TSBP1: variants seen among roughly 807,000 people sequenced by gnomAD.
TSBP1 encodes the protein testis-expressed basic protein 1.
Under a neutral mutation model 68.8 loss-of-function variants are expected in TSBP1, and 56 were observed. That is an observed-to-expected ratio of 0.81 (90% CI 0.66 to 1.02). The LOEUF (loss-of-function observed/expected upper bound fraction) is 1.02, where lower values mean the gene tolerates loss of function less well. Among genes scored for constraint, TSBP1 ranks in the 50% least tolerant of loss-of-function variants. The pLI is 0.00. For missense variants in TSBP1, 502 were observed against 641.2 expected (o/e 0.78, Z 2.34); for synonymous variants, 171 against 208.7 (o/e 0.82, Z 1.56).
rs1768717601 is a variant in TSBP1, at chr6:32,329,848, G to T, written c.514+741C>A. 2.6e-5 allele frequency among the ~76,000 whole-genome samples: 4 copies of T among 152,208 alleles called. No individual in the cohort carries two copies. The South Asian group carries it at 8.3e-4, about 32-fold the overall frequency. On this transcript the variant is annotated intron_variant, in intron 16 of 22. Coordinates refer to ENST00000612031, the Ensembl canonical transcript of TSBP1. Reference sequence around the variant, plus strand: ...AGATTCAGAATTTCCCGTGTCCTGGGGTTGGTTCGATGCCCTAGATTTTAA... The same window carrying T: ...AGATTCAGAATTTCCCGTGTCCTGGTGTTGGTTCGATGCCCTAGATTTTAA...
intron 9 of TSBP1, among the ~76,000 whole-genome samples, chr6:32,342,630 A>G (rs1000329283): frequency 2.0e-5 from 3 of 152,236 alleles, no homozygotes; most frequent in African/African-American, 7.2e-5. Flanking sequence ...CTTAACTGCT[A>G]GGCAATACTC....
At position 32,333,924 on chromosome 6, in the gene TSBP1, C is replaced by A; in HGVS notation, c.472+1513G>T. On this transcript the variant is annotated intron_variant, in intron 14 of 22. Transcript: ENST00000612031. This position sits in a 1 kb window ranked among gnomAD's most constrained non-coding sequence, Gnocchi z 4.2. ...AGATGGCTTTCCAGATCTGGATACC[C>A]TTGGCTATGAGCAGTAAACCAGTTA... 4.9e-6 allele frequency: 1 copy of A among 204,740 alleles called. No individual in the cohort carries two copies. Among genetic ancestry groups the A allele is most frequent in the South Asian group, 5.6e-5 (1 of 17,746 alleles). The allele number at this position is 204,740 out of a possible 1,614,324, so 12.7% of individuals were successfully genotyped here.
rs1375906426 is a variant in TSBP1, at chr6:32,365,716, G to A, written c.217+451C>T. The stretch of plus-strand genomic sequence containing the variant: ...CTCAGCATTGAGTTGTGCCACCTTG[G>A]GGGAGGAGTGATGTGGGTAAAGTGA... On this transcript the variant is annotated intron_variant, in intron 6 of 22. Coordinates refer to ENST00000612031, the Ensembl canonical transcript of TSBP1. The surrounding 1 kb of genome is among the most constrained non-coding windows in gnomAD (Gnocchi z 4.3). 1 of 428,524 alleles carries A rather than the reference G, an allele frequency of 2.3e-6. No individual in the cohort carries two copies. Among genetic ancestry groups the A allele is most frequent in the Non-Finnish European group, 4.7e-6 (1 of 213,204 alleles). The allele number at this position is 428,524 out of a possible 1,614,324, so 26.5% of individuals were successfully genotyped here.
At chr6:32,359,086 A>G (rs1190429625) in intron 6 of TSBP1, among the ~76,000 whole-genome samples, 1 of 115,674 alleles carries the variant, frequency 8.6e-6, no homozygotes, top group Non-Finnish European at 1.7e-5. Flanking sequence ...ACCCCACAGC[A>G]GTCCCCAGAG....
intron 19 of TSBP1, among the ~76,000 whole-genome samples, chr6:32,307,877 G>T: frequency 6.6e-6 from 1 of 151,688 alleles, no homozygotes; most frequent in Non-Finnish European, 1.5e-5. Context: ...CTAGGTTCAA[G>T]TGACTCTCCA....
chr6:32,331,037 C>A (rs3129949), intron 15 of TSBP1, among the ~76,000 whole-genome samples: 34,458 of 152,056 alleles, frequency 0.23, 4,247 homozygotes, highest in African/African-American at 0.29. Flanking sequence ...TACTAAATCT[C>A]AGTATTCAGG....
chr6:32,313,265 C>G (rs34838815), intron 19 of TSBP1, among the ~76,000 whole-genome samples: 30,867 of 146,886 alleles, frequency 0.21, 3,263 homozygotes, highest in East Asian at 0.22. Flanking sequence ...CTGACATTTA[C>G]TGTATGTTTA....
intron 19 of TSBP1, among the ~76,000 whole-genome samples, chr6:32,308,634 T>A (rs921313003): frequency 2.6e-5 from 4 of 151,596 alleles, no homozygotes; most frequent in African/African-American, 9.7e-5. Flanking sequence ...TTTTATTTGC[T>A]TTCTCTTTTT....
chr6:32,345,025 T>C (rs889544312), intron 9 of TSBP1, among the ~76,000 whole-genome samples: 1 of 152,042 alleles, frequency 6.6e-6, no homozygotes, highest in Admixed American at 6.5e-5. Flanking sequence ...TACTAATTCT[T>C]TTAATTGTTC....
chr6:32,363,684 CA>C (rs1773323174), intron 6 of TSBP1, among the ~76,000 whole-genome samples: 1 of 110,256 alleles, frequency 9.1e-6, no homozygotes, highest in Non-Finnish European at 2.1e-5. Flanking sequence ...TCAAAATTTA[CA>C]TTTAAAAAAA....
intron 2 of TSBP1, among the ~76,000 whole-genome samples, 193 bp from the exon 3 acceptor site, chr6:32,369,007 T>C (rs1320784304): frequency 1.3e-5 from 2 of 152,124 alleles, no homozygotes; most frequent in Non-Finnish European, 2.9e-5. Context: ...ACACTACTTA[T>C]GCTTTGAGGG....
chr6:32,361,083 A>G lies in TSBP1; in HGVS notation c.217+5084T>C, dbSNP rs1348772661. 4.6e-5 allele frequency among the ~76,000 whole-genome samples: 7 copies of G among 151,958 alleles called. No homozygotes were observed. The highest frequency in any genetic ancestry group is 1.2e-4 in the African/African-American group (5 of 41,350). On this transcript the variant is annotated intron_variant, in intron 6 of 22. Coordinates refer to ENST00000612031, the Ensembl canonical transcript of TSBP1. The surrounding 1 kb of genome is among the most constrained non-coding windows in gnomAD (Gnocchi z 4.3). ...TGTGATGTTCCCCACCCTGTGTCCAAGTGTTCTCATTGTTCAGTTCCCACC... is the reference window on the plus strand; with the variant it reads ...TGTGATGTTCCCCACCCTGTGTCCAGGTGTTCTCATTGTTCAGTTCCCACC...
At chr6:32,349,416 T>G in intron 9 of TSBP1, 1 of 219,924 alleles carries the variant, frequency 4.5e-6, no homozygotes, top group Non-Finnish European at 8.8e-6. Flanking sequence ...CTAATATCAT[T>G]TATCCCTCAT....
chr6:32,313,342 C>A (rs1017666834), intron 19 of TSBP1, among the ~76,000 whole-genome samples: 1 of 152,236 alleles, frequency 6.6e-6, no homozygotes, highest in African/African-American at 2.4e-5. Context: ...TTGTCTTGCT[C>A]ATGGCTATAT....
At chr6:32,352,088 C>T (rs1420214060) in intron 8 of TSBP1, among the ~76,000 whole-genome samples, 2 of 151,828 alleles carry the variant, frequency 1.3e-5, no homozygotes, top group Non-Finnish European at 2.9e-5. Context: ...AAATTTTTCA[C>T]ATACATGTAG....
intron 4 of TSBP1, among the ~76,000 whole-genome samples, chr6:32,367,096 C>T (rs769360348): frequency 2.8e-5 from 4 of 143,722 alleles, no homozygotes; most frequent in Non-Finnish European, 4.6e-5. Context: ...TCCACATCCA[C>T]AATCTCATAA....
intron 8 of TSBP1, among the ~76,000 whole-genome samples, chr6:32,351,364 G>C (rs186024225): frequency 1.3e-5 from 2 of 152,118 alleles, no homozygotes; most frequent in Non-Finnish European, 2.9e-5. Context: ...ATGAATTTGA[G>C]TGCCTAAGAC....
chr6:32,329,400 C>T (rs1051688250), intron 16 of TSBP1, among the ~76,000 whole-genome samples: 2 of 152,164 alleles, frequency 1.3e-5, no homozygotes, highest in Admixed American at 1.3e-4. Flanking sequence ...ATTATGAGAA[C>T]TTCCAAGGCT....
At position 32,333,017 on chromosome 6, in the gene TSBP1, GT is replaced by G. The variant is rs1188503299; in HGVS notation, c.473-964del. Among the ~76,000 whole-genome samples, 12 of 143,640 alleles carry G rather than the reference GT, an allele frequency of 8.4e-5. No individual in the cohort carries two copies. The highest frequency in any genetic ancestry group is 1.5e-4 in the Non-Finnish European group (10 of 65,006). 94.2% of individuals were successfully genotyped at this position (143,640 alleles called of 152,430 possible). ...AGCCTGTTATGTTTTTTTTGTTGTT[GT>G]TTTTTTTTTAGACAGAGTCTTACTC... On this transcript the variant is annotated intron_variant, in intron 14 of 22. Transcript: ENST00000612031. The surrounding 1 kb of genome is among the most constrained non-coding windows in gnomAD (Gnocchi z 4.2).
Sources: allele counts gnomAD v4.1 joint callset (sites outside exome capture counted in the v4.1 genomes callset), GRCh38; gene constraint gnomAD v4.1.1; non-coding constraint Gnocchi (gnomAD v3.1); transcripts MANE v1.5; gene names NCBI Gene and HGNC (gene_info 2026-07-23, HGNC 2026-07-21).